The following TP63 variants were observed in gnomAD, a reference collection of about 807,000 sequenced individuals.
The protein encoded by TP63 is tumor protein 63.
In TP63, 17 loss-of-function variants were observed where a neutral mutation model predicts 82.8. The ratio of observed to expected loss-of-function variants is 0.21; its 90% confidence interval spans 0.14 to 0.31. The LOEUF (loss-of-function observed/expected upper bound fraction) is 0.31. TP63 is among the 10% of genes least tolerant of loss of function. The probability of loss-of-function intolerance (pLI) is 1.00; values close to 1 mark genes in which losing one functional copy is unlikely to be tolerated. For missense variants in TP63, 648 were observed against 895.3 expected (o/e 0.72, Z 3.52); for synonymous variants, 330 against 321.7 (o/e 1.03, Z -0.28).
At chr3:189,821,546 G>A (rs1728795906) in intron 4 of TP63, among the ~76,000 whole-genome samples, 2 of 152,188 alleles carry the variant, frequency 1.3e-5, no homozygotes, top group African/African-American at 4.8e-5. Context: ...CCTGGGTACT[G>A]CCCACGCTGC....
At chr3:189,850,944 T>C (rs1478672896) in intron 4 of TP63, among the ~76,000 whole-genome samples, 2 of 152,220 alleles carry the variant, frequency 1.3e-5, no homozygotes, top group African/African-American at 2.4e-5. Flanking sequence ...AGACTTTTAC[T>C]ATGTCAACAA....
intron 3 of TP63, among the ~76,000 whole-genome samples, chr3:189,801,679 TTCTC>T (rs1483488364): frequency 6.6e-6 from 1 of 152,182 alleles, no homozygotes; most frequent in African/African-American, 2.4e-5. Flanking sequence ...TTGTATTTAT[TTCTC>T]TCACCTGCCG....
At chr3:189,807,355 C>T (rs1200134766) in intron 3 of TP63, among the ~76,000 whole-genome samples, 2 of 152,178 alleles carry the variant, frequency 1.3e-5, no homozygotes, top group Admixed American at 6.5e-5. Context: ...GTAATATAGT[C>T]AAGTTTTTTG....
intron 3 of TP63, among the ~76,000 whole-genome samples, chr3:189,756,467 A>G (rs1254278719): frequency 6.6e-6 from 1 of 152,200 alleles, no homozygotes; most frequent in Non-Finnish European, 1.5e-5. Flanking sequence ...CGGGGACTTT[A>G]CCTTAAACAC....
chr3:189,631,013 A>C (rs1369960497), upstream of TP63, among the ~76,000 whole-genome samples: 1 of 152,166 alleles, frequency 6.6e-6, no homozygotes, highest in East Asian at 1.9e-4. Context: ...GAAATCCTCA[A>C]ATCAAACCAG....
chr3:189,896,676 G>A lies in TP63; in HGVS notation c.*2174G>A, dbSNP rs2108878937. 4.9e-6 allele frequency: 1 copy of A among 204,958 alleles called. No homozygotes were observed. Among genetic ancestry groups the A allele is most frequent in the East Asian group, 7.5e-5 (1 of 13,414 alleles). The allele number at this position is 204,958 out of a possible 1,614,324, so 12.7% of individuals were successfully genotyped here. On this transcript the variant is annotated 3_prime_UTR_variant, in exon 14 of 14. Coordinates refer to ENST00000264731, the MANE Select transcript of TP63 (RefSeq NM_003722.5). Reference sequence around the variant, plus strand: ...AACCTAGGACTTCCGAGCTATGTCAGTACTATTCAGGTAACACTAGGGCCT... The same window carrying A: ...AACCTAGGACTTCCGAGCTATGTCAATACTATTCAGGTAACACTAGGGCCT...
intron 1 of TP63, among the ~76,000 whole-genome samples, chr3:189,650,554 T>C (rs1386774077): frequency 6.8e-6 from 1 of 146,578 alleles, no homozygotes; most frequent in African/African-American, 2.6e-5. Context: ...GGCTTCCCAC[T>C]TCACTGGACA....
chr3:189,765,625 G>A (rs1722902756), intron 3 of TP63, among the ~76,000 whole-genome samples: 1 of 151,414 alleles, frequency 6.6e-6, no homozygotes, highest in African/African-American at 2.4e-5. Context: ...AGTAGAGACA[G>A]GGTTTCACCG....
chr3:189,886,273 AGAAG>A lies in TP63; in HGVS notation c.1350-120_1350-117del. On this transcript the variant is annotated intron_variant, in intron 10 of 13. Coordinates refer to ENST00000264731, the MANE Select transcript of TP63 (RefSeq NM_003722.5). Reference sequence around the variant, plus strand: ...AAATTAACTTCTTACCATTAATCCTAGAAGAATGTTTTCAAATGTTTGGTTTGAG... The same window carrying A: ...AAATTAACTTCTTACCATTAATCCTAAATGTTTTCAAATGTTTGGTTTGAG... The A allele has an allele frequency of 3.5e-6, 4 of 1,153,718 alleles. No individual in the cohort carries two copies. In the South Asian group the frequency reaches 5.1e-5, roughly 15 times the overall value. The allele number at this position is 1,153,718 out of a possible 1,614,324, so 71.5% of individuals were successfully genotyped here. A position where few individuals can be genotyped will look rare whatever the true frequency, so the allele number is the denominator to read the frequency against.
the TP63 span, among the ~76,000 whole-genome samples, chr3:189,604,036 A>T: frequency 6.6e-6 from 1 of 152,172 alleles, no homozygotes; most frequent in African/African-American, 2.4e-5. Flanking sequence ...ATATATATAT[A>T]TTCACAAAAA....
At chr3:189,739,003 CT>C in intron 3 of TP63, 1 of 589,862 alleles carries the variant, frequency 1.7e-6, no homozygotes, top group Non-Finnish European at 2.9e-6. Flanking sequence ...GAGGGAGATT[CT>C]TTACATCTTT....
At chr3:189,883,936 A>AG (rs769361955) in intron 10 of TP63, among the ~76,000 whole-genome samples, 8 of 125,952 alleles carry the variant, frequency 6.4e-5, no homozygotes, top group African/African-American at 1.8e-4. Context: ...CTGAGCGTCC[A>AG]GAAAAAAAAA....
At chr3:189,866,885 T>G in intron 6 of TP63, 88 bp downstream of exon 6, 1 of 1,043,062 alleles carries the variant, frequency 9.6e-7, no homozygotes, top group Non-Finnish European at 1.5e-6. Flanking sequence ...CAGGGATGTT[T>G]CTAGCATCTA....
intron 3 of TP63, among the ~76,000 whole-genome samples, chr3:189,760,732 G>C (rs1044846329): frequency 6.6e-6 from 1 of 152,152 alleles, no homozygotes; most frequent in Non-Finnish European, 1.5e-5. Context: ...ACTCTGTGTG[G>C]GGGCTCCCAC....
At chr3:189,790,442 G>A (rs1307914418) in intron 3 of TP63, among the ~76,000 whole-genome samples, 1 of 151,906 alleles carries the variant, frequency 6.6e-6, no homozygotes, top group Admixed American at 6.6e-5. Flanking sequence ...TATTTTGGAG[G>A]GATGCATTGT....
chr3:189,741,217 A>AC (rs11395758), intron 3 of TP63, among the ~76,000 whole-genome samples: 54,173 of 149,904 alleles, frequency 0.36, 9,824 homozygotes, highest in Admixed American at 0.39. Context: ...AAAAAAAAAA[A>AC]CCCTGAGATA....
intron 3 of TP63, 64 bp from the exon 4 acceptor site, chr3:189,808,208 T>C (rs1727129278): frequency 6.2e-7 from 1 of 1,613,038 alleles, no homozygotes; most frequent in African/African-American, 1.3e-5. Context: ...CATGGATGCC[T>C]TTTTTTGGAG....
intron 3 of TP63, among the ~76,000 whole-genome samples, chr3:189,790,967 G>A (rs1725077585): frequency 6.6e-6 from 1 of 152,140 alleles, no homozygotes. Context: ...GAAATATCGA[G>A]TTATCTAAAG....
At chr3:189,737,632 G>A in intron 1 of TP63, 108 bp from the exon 2 acceptor site, 1 of 1,364,518 alleles carries the variant, frequency 7.3e-7, no homozygotes. Context: ...TACCTGCATG[G>A]TTTTATAGAT....
Sources: gnomAD v4.1 joint callset for allele counts (sites outside exome capture counted in the v4.1 genomes callset) on GRCh38, gnomAD v4.1.1 for gene constraint, MANE v1.5 for transcripts, NCBI Gene and HGNC (gene_info 2026-07-23, HGNC 2026-07-21) for gene names.